Variants in EXD3 observed in about 807,000 individuals in gnomAD.
EXD3 encodes the protein exonuclease 3'-5' domain containing 3, also known as exonuclease mut-7 homolog.
A neutral mutation model predicts 98.0 loss-of-function variants in EXD3; 92 were observed. The ratio of observed to expected loss-of-function variants is 0.94; its 90% CI spans 0.79 to 1.12. The LOEUF (loss-of-function observed/expected upper bound fraction) is 1.12. Among genes scored for constraint, EXD3 ranks in the 50% most tolerant of loss-of-function variants. The pLI is 0.00. For missense variants in EXD3, 1,222 were observed against 1,191.6 expected (o/e 1.03, Z -0.38); for synonymous variants, 569 against 526.0 (o/e 1.08, Z -1.12).
At chr9:137,341,357 C>T (rs1263811942) in intron 17 of EXD3, among the ~76,000 whole-genome samples, 1 of 152,180 alleles carries the variant, frequency 6.6e-6, no homozygotes, top group Non-Finnish European at 1.5e-5. Context: ...GTTAAGGGTC[C>T]CCAAGATCAT....
At chr9:137,379,041 C>T (rs1588387443) in intron 3 of EXD3, among the ~76,000 whole-genome samples, 9 of 110,278 alleles carry the variant, frequency 8.2e-5, no homozygotes, top group South Asian at 6.4e-4. Flanking sequence ...TGCCTGGGGC[C>T]GAGGGGAATG....
intron 5 of EXD3, among the ~76,000 whole-genome samples, chr9:137,370,744 C>T (rs555069028): frequency 1.1e-4 from 16 of 150,744 alleles, no homozygotes; most frequent in Middle Eastern, 3.5e-3. Flanking sequence ...AGGACCCCAG[C>T]GACAGCCCTG....
chr9:137,363,276 G>A lies in EXD3; in HGVS notation c.656+3217C>T, dbSNP rs1188306710. Among the ~76,000 whole-genome samples the A allele has an allele frequency of 2.0e-5, 3 of 149,530 alleles. No homozygotes were observed. The East Asian group carries it at 5.8e-4, about 29-fold the overall frequency. ...AGTTTAAGCTGAATAAAGTGAGTTG[G>A]GCTGCGCTTTTTTTTTTTTAATTCT... On this transcript the variant is annotated intron_variant, in intron 7 of 21. Coordinates refer to ENST00000340951, the MANE Select transcript of EXD3 (RefSeq NM_017820.5).
At chr9:137,397,086 G>A (rs1056792041) in intron 1 of EXD3, among the ~76,000 whole-genome samples, 2 of 152,194 alleles carry the variant, frequency 1.3e-5, no homozygotes, top group Non-Finnish European at 2.9e-5. Flanking sequence ...TGAGAATACA[G>A]TGGAGACACC....
rs114075030 is a variant in EXD3 at position 137,409,440 on chromosome 9, G to A, written c.-48+13674C>T. On this transcript the variant is annotated intron_variant, in intron 1 of 21. Transcript: ENST00000340951. Reference sequence around the variant, plus strand: ...TTTTAAGTTAACAGAAAACTGGCCCGGCGTGGTGGCTCACACCTTTGATCC... The same window carrying A: ...TTTTAAGTTAACAGAAAACTGGCCCAGCGTGGTGGCTCACACCTTTGATCC... Among the ~76,000 whole-genome samples, 1,185 of 152,302 alleles carry A rather than the reference G, an allele frequency of 7.8e-3. 14 individuals carry two copies. The highest frequency in any genetic ancestry group is 0.026 in the African/African-American group (1,080 of 41,544).
chr9:137,396,628 G>A (rs563292930), intron 1 of EXD3, among the ~76,000 whole-genome samples: 14 of 152,216 alleles, frequency 9.2e-5, no homozygotes, highest in South Asian at 4.2e-4. Context: ...CGGCCAACAC[G>A]CACCCCTAAA....
chr9:137,371,317 A>G lies in EXD3; in HGVS notation c.462+1588T>C, dbSNP rs934726520. On this transcript the variant is annotated intron_variant, in intron 5 of 21. Coordinates refer to ENST00000340951, the MANE Select transcript of EXD3 (RefSeq NM_017820.5). This position sits in a 1 kb window ranked among gnomAD's most constrained non-coding sequence, Gnocchi z 8.0. Reference sequence around the variant, plus strand: ...CTGTGCCGGGACATGGTGGCTTCTCAGCGCCATGCACCCGCCGCGAGACGA... The same window carrying G: ...CTGTGCCGGGACATGGTGGCTTCTCGGCGCCATGCACCCGCCGCGAGACGA... 6.6e-6 allele frequency among the ~76,000 whole-genome samples: 1 copy of G among 152,088 alleles called. No homozygotes were observed. Among genetic ancestry groups the G allele is most frequent in the African/African-American group, 2.4e-5 (1 of 41,416 alleles).
In EXD3 at chr9:137,395,237, C is replaced by A; in HGVS notation, c.55+66G>T. Reference sequence around the variant, plus strand: ...GTACACAGTGGGCGCCACCACCCCCCATGCACACCCACGCACCTCCCCCCA... The same window carrying A: ...GTACACAGTGGGCGCCACCACCCCCAATGCACACCCACGCACCTCCCCCCA... On this transcript the variant is annotated intron_variant, in intron 2 of 21. Coordinates refer to ENST00000340951, the MANE Select transcript of EXD3 (RefSeq NM_017820.5). The surrounding 1 kb of genome is among the most constrained non-coding windows in gnomAD (Gnocchi z 6.5). 5 of 1,407,584 alleles carry A rather than the reference C, an allele frequency of 3.6e-6. No individual in the cohort carries two copies. The South Asian group carries it at 5.7e-5, about 16-fold the overall frequency. The allele number at this position is 1,407,584 out of a possible 1,614,324, so 87.2% of individuals were successfully genotyped here.
intron 17 of EXD3, among the ~76,000 whole-genome samples, chr9:137,329,576 GCTACACGGGA>G (rs1332680622): frequency 0.17 from 336 of 2,020 alleles, 4 homozygotes; most frequent in Admixed American, 0.22. Context: ...ACTACACGGG[GCTACACGGGA>G]CTACACGGGA....
At chr9:137,313,913 C>T (rs568115243) in intron 19 of EXD3, among the ~76,000 whole-genome samples, 1 of 152,330 alleles carries the variant, frequency 6.6e-6, no homozygotes, top group African/African-American at 2.4e-5. Context: ...CTTCCCTGGA[C>T]AGGCCTCTGC....
chr9:137,343,325 T>C (rs1473889844), intron 17 of EXD3: 2 of 152,136 alleles, frequency 1.3e-5, no homozygotes, highest in African/African-American at 4.8e-5. Flanking sequence ...GAATAAGGGC[T>C]TCTTCTGGGC....
rs113661790 is a variant in EXD3, at chr9:137,309,741, T to C, written c.2185-41A>G. The C allele has an allele frequency of 6.5e-5, 96 of 1,481,460 alleles. 2 individuals are homozygous for C. In the Middle Eastern group the frequency reaches 4.3e-3, roughly 67 times the overall value. 91.8% of individuals were successfully genotyped at this position (1,481,460 alleles called of 1,614,324 possible). On this transcript the variant is annotated intron_variant, in intron 19 of 21. Transcript: ENST00000340951. ...GGTGCTGAGGCCCAGGCGGGGCTTC[T>C]CCGGGTGCCCCATACCCCAGCCCTC... is the stretch of plus-strand genomic sequence containing the variant.
chr9:137,355,414 GGGAGGAAGGAGGAA>G (rs1173605607), intron 8 of EXD3, among the ~76,000 whole-genome samples: 1 of 20,754 alleles, frequency 4.8e-5, no homozygotes, highest in Non-Finnish European at 1.2e-4. Context: ...CCCTGAGGCA[GGGAGGAAGGAGGAA>G]GGAGGATGGA....
chr9:137,328,629 G>A (rs1832657822), intron 17 of EXD3, among the ~76,000 whole-genome samples: 5 of 94,222 alleles, frequency 5.3e-5, no homozygotes, highest in South Asian at 3.7e-4. Context: ...GGACTACACG[G>A]GACTACACGG....
At chr9:137,390,816 C>A (rs1302634421) in intron 2 of EXD3, among the ~76,000 whole-genome samples, 2 of 152,186 alleles carry the variant, frequency 1.3e-5, no homozygotes, top group Admixed American at 6.5e-5. Context: ...CGGGCCAGGC[C>A]AGCTCAGCCT....
chr9:137,307,476 C>G, intron 21 of EXD3, 132 bp downstream of exon 21: 1 of 1,328,232 alleles, frequency 7.5e-7, no homozygotes, highest in Non-Finnish European at 1.0e-6. Context: ...ACCTTGCAGG[C>G]CCTAGGGCCT....
intron 10 of EXD3, chr9:137,353,643 C>G (rs1834434268): frequency 5.1e-6 from 5 of 986,092 alleles, no homozygotes; most frequent in Non-Finnish European, 6.0e-6. Flanking sequence ...GAGGCACCTA[C>G]AGGCCTGCGG....
intron 17 of EXD3, among the ~76,000 whole-genome samples, chr9:137,332,309 G>T (rs1833110038): frequency 1.3e-5 from 2 of 152,164 alleles, no homozygotes; most frequent in Admixed American, 1.3e-4. Context: ...ACGAATCTAG[G>T]CCGGGCGCAG....
chr9:137,366,004 A>G, intron 7 of EXD3: 1 of 597,176 alleles, frequency 1.7e-6, no homozygotes, highest in South Asian at 1.5e-5. Context: ...CTGCAGGCAC[A>G]CATGCACATG....
Sources: allele counts gnomAD v4.1 joint callset (sites outside exome capture counted in the v4.1 genomes callset), GRCh38; gene constraint gnomAD v4.1.1; non-coding constraint Gnocchi (gnomAD v3.1); transcripts MANE v1.5; gene names NCBI Gene and HGNC (gene_info 2026-07-23, HGNC 2026-07-21).